RNASE10: variants seen among roughly 807,000 people sequenced by gnomAD.
The protein encoded by RNASE10 is ribonuclease A family member 10 (inactive).
Under a neutral mutation model 1.1 loss-of-function variants are expected in RNASE10, and 2 were observed. The ratio of observed to expected loss-of-function variants is 1.82; its 90% CI spans 0.74 to 5.73. RNASE10 has a LOEUF of 5.73. RNASE10 is among the 30% of genes most tolerant of loss of function. The pLI is 0.05. For missense variants in RNASE10, 276 were observed against 263.4 expected, an observed-to-expected ratio of 1.05 and a Z score of -0.33; for synonymous variants, 97 against 96.2, an observed-to-expected ratio of 1.01 and a Z score of -0.05.
intron 1 of RNASE10, among the ~76,000 whole-genome samples, chr14:20,510,124 G>GAA (rs756992868): frequency 1.8e-4 from 20 of 109,816 alleles, no homozygotes; most frequent in African/African-American, 4.6e-4. Context: ...GTCTCAAAAG[G>GAA]AAAAAAAAAA....
exon 1 of RNASE10, chr14:20,505,915 C>G (rs1882691719): frequency 9.2e-6 from 1 of 108,776 alleles, no homozygotes. Context: ...TGAGGAGCGT[C>G]TCTGCCCGGC....
At chr14:20,510,066 C>T (rs373319538) in intron 1 of RNASE10, among the ~76,000 whole-genome samples, 66 of 149,798 alleles carry the variant, frequency 4.4e-4, no homozygotes, top group African/African-American at 1.5e-3. Flanking sequence ...CTTCAGTGAG[C>T]TATGATGGTG....
chr14:20,504,559 G>A (rs942217715), upstream of RNASE10, among the ~76,000 whole-genome samples: 1 of 150,444 alleles, frequency 6.6e-6, no homozygotes, highest in Non-Finnish European at 1.5e-5. Context: ...GCGGTGGCGG[G>A]CGCCTGTAGT....
At chr14:20,512,881 AG>A (rs1322319807), downstream of RNASE10, among the ~76,000 whole-genome samples, 1 of 152,176 alleles carries the variant, frequency 6.6e-6, no homozygotes, top group African/African-American at 2.4e-5. Context: ...ATCTAAGGTA[AG>A]GGGGAAAAAA....
chr14:20,511,920 C>CA (rs1297210369), downstream of RNASE10, among the ~76,000 whole-genome samples: 1 of 151,804 alleles, frequency 6.6e-6, no homozygotes, highest in Non-Finnish European at 1.5e-5. Context: ...TTTAGAGATT[C>CA]AGTCAGCCGA....
At position 20,506,552 on chromosome 14, in the gene RNASE10, G is replaced by A. The variant is rs1336373743; in HGVS notation, c.79+533G>A. On this transcript the variant is annotated intron_variant, in intron 1 of 1. Transcript: ENST00000430083. ...CAGGAGGTGAGGGGCGCCTCTGCCC[G>A]GCCGCCCCTACTGGGAAGTGAGGAG... Among the ~76,000 whole-genome samples the A allele has an allele frequency of 5.5e-3, 563 of 102,928 alleles. 3 individuals carry two copies. Among genetic ancestry groups the A allele is most frequent in the African/African-American group, 0.022 (503 of 22,780 alleles). 67.5% of individuals were successfully genotyped at this position (102,928 alleles called of 152,430 possible).
At chr14:20,508,564 C>A (rs149678037) in intron 1 of RNASE10, among the ~76,000 whole-genome samples, 2 of 152,006 alleles carry the variant, frequency 1.3e-5, no homozygotes, top group Non-Finnish European at 2.9e-5. Context: ...TAGTAATAGC[C>A]GCAAAGTGCA....
At chr14:20,506,491 TG>T (rs1882723677) in intron 1 of RNASE10, among the ~76,000 whole-genome samples, 2 of 35,722 alleles carry the variant, frequency 5.6e-5, no homozygotes, top group African/African-American at 2.6e-4. Flanking sequence ...AGGGAGGTGG[TG>T]GGGGTCAGCC....
chr14:20,508,183 T>C (rs1882802785), intron 1 of RNASE10, among the ~76,000 whole-genome samples: 1 of 152,210 alleles, frequency 6.6e-6, no homozygotes, highest in Non-Finnish European at 1.5e-5. Flanking sequence ...AATATTTCAG[T>C]GTGCATCTCC....
chr14:20,512,832 T>C (rs185988219), downstream of RNASE10, among the ~76,000 whole-genome samples: 1 of 152,276 alleles, frequency 6.6e-6, no homozygotes, highest in Admixed American at 6.5e-5. Context: ...CTATGCTTCC[T>C]GAGGGCGAAT....
At chr14:20,510,994 T>C (rs966404381) in exon 2 of RNASE10, 3 of 1,600,688 alleles carry the variant, frequency 1.9e-6, no homozygotes, top group African/African-American at 1.3e-5. Context: ...ACCTTTTGAT[T>C]TGACATTGTG....
downstream of RNASE10, among the ~76,000 whole-genome samples, chr14:20,513,213 G>A (rs1166203356): frequency 2.7e-5 from 4 of 150,106 alleles, no homozygotes; most frequent in African/African-American, 1.0e-4. Flanking sequence ...CTTTTGTTTT[G>A]TTTTGTTTTG....
chr14:20,511,690 T>C (rs1174997674), downstream of RNASE10, among the ~76,000 whole-genome samples: 1 of 152,204 alleles, frequency 6.6e-6, no homozygotes, highest in Non-Finnish European at 1.5e-5. Flanking sequence ...TAGAGCAAGA[T>C]AGAAGATGGG....
rs1035721648 is a variant in RNASE10 at position 20,507,685 on chromosome 14, G to T, written c.79+1666G>T. 3.3e-5 allele frequency among the ~76,000 whole-genome samples: 5 copies of T among 151,458 alleles called. No homozygotes were observed. In the East Asian group the frequency reaches 7.7e-4, roughly 23 times the overall value. On this transcript the variant is annotated intron_variant, in intron 1 of 1. Transcript: ENST00000430083. ...TGTGATAATAATTCATGGAACTCAT[G>T]AATATTCTTTATCCAGGTACATTAT...
At chr14:20,510,537 C>T in exon 2 of RNASE10, 1 of 1,614,110 alleles carries the variant, frequency 6.2e-7, no homozygotes, top group Non-Finnish European at 8.5e-7. Context: ...TGGGGATGGG[C>T]CTGGGGTTGG....
At chr14:20,504,796 A>G (rs1261602063), upstream of RNASE10, among the ~76,000 whole-genome samples, 2 of 151,138 alleles carry the variant, frequency 1.3e-5, no homozygotes, top group Non-Finnish European at 2.9e-5. Flanking sequence ...CAGGGAAAGT[A>G]ATGCACGTCC....
intron 1 of RNASE10, among the ~76,000 whole-genome samples, chr14:20,507,423 G>C (rs1283022861): frequency 6.0e-5 from 8 of 132,940 alleles, no homozygotes; most frequent in South Asian, 2.5e-4. Context: ...CAGCATGCTC[G>C]TTAAGAGTCA....
At chr14:20,510,414 G>C (rs1304843603) in intron 1 of RNASE10, 53 bp from the exon 2 acceptor site, 3 of 1,561,580 alleles carry the variant, frequency 1.9e-6, no homozygotes, top group Non-Finnish European at 2.6e-6. Flanking sequence ...GTCTCTACTA[G>C]AGCCAATTTT....
intron 1 of RNASE10, among the ~76,000 whole-genome samples, chr14:20,509,835 A>G (rs1882848207): frequency 6.6e-6 from 1 of 151,892 alleles, no homozygotes; most frequent in African/African-American, 2.4e-5. Context: ...TTTAAGAATC[A>G]ATTGATGTCA....
Sources: allele counts gnomAD v4.1 joint callset (sites outside exome capture counted in the v4.1 genomes callset), GRCh38; gene constraint gnomAD v4.1.1; transcripts MANE v1.5; gene names NCBI Gene and HGNC (gene_info 2026-07-23, HGNC 2026-07-21).